Variants in XXYLT1 observed in about 807,000 individuals in gnomAD.
XXYLT1 encodes xyloside xylosyltransferase 1, also known as UDP-xylose:alpha-xyloside alpha-1,3-xylosyltransferase.
Under a neutral mutation model 28.9 loss-of-function variants are expected in XXYLT1, and 20 were observed. The observed-to-expected ratio is 0.69, with a 90% CI of 0.49 to 1.00. The LOEUF (loss-of-function observed/expected upper bound fraction) is 1.00. Ranked by LOEUF, XXYLT1 falls within the 50% of genes least tolerant of loss-of-function variation. The probability of loss-of-function intolerance (pLI) is 0.00; values close to 1 mark genes in which losing one functional copy is unlikely to be tolerated. For missense variants in XXYLT1, 542 were observed against 560.1 expected (o/e 0.97, Z 0.33); for synonymous variants, 257 against 253.8 (o/e 1.01, Z -0.12).
chr3:195,147,689 G>A (rs1189238236), intron 3 of XXYLT1, among the ~76,000 whole-genome samples: 1 of 152,180 alleles, frequency 6.6e-6, no homozygotes, highest in Non-Finnish European at 1.5e-5. Flanking sequence ...CTTAGCAGCT[G>A]GCCAGCACCG....
rs1018506876 is a variant in XXYLT1 at position 195,076,805 on chromosome 3, G to A, written c.786-6694C>T. Among the ~76,000 whole-genome samples, 1 of 152,096 alleles carries A rather than the reference G, an allele frequency of 6.6e-6. No individual in the cohort carries two copies. The highest frequency in any genetic ancestry group is 1.9e-4 in the East Asian group (1 of 5,188). On this transcript the variant is annotated intron_variant, in intron 3 of 3. Coordinates refer to ENST00000310380, the MANE Select transcript of XXYLT1 (RefSeq NM_152531.5). The surrounding 1 kb of genome is among the most constrained non-coding windows in gnomAD (Gnocchi z 5.3). ...CACATGGCGTTCTCCCTGCGTGCACGTGCCTCTGTGTCCACATTGCCCCTT... is the reference window on the plus strand; with the variant it reads ...CACATGGCGTTCTCCCTGCGTGCACATGCCTCTGTGTCCACATTGCCCCTT...
At chr3:195,177,198 C>A (rs1053763073) in intron 2 of XXYLT1, among the ~76,000 whole-genome samples, 6 of 152,232 alleles carry the variant, frequency 3.9e-5, no homozygotes, top group Non-Finnish European at 7.3e-5. Flanking sequence ...CGTAGTTCTA[C>A]TGCATATGCA....
At chr3:195,126,225 G>A (rs933566987) in intron 3 of XXYLT1, among the ~76,000 whole-genome samples, 2 of 152,206 alleles carry the variant, frequency 1.3e-5, no homozygotes, top group Admixed American at 6.5e-5. Flanking sequence ...GGATAAGGCC[G>A]TGAATGAAAG....
chr3:195,167,250 T>C (rs1192699287), intron 2 of XXYLT1, among the ~76,000 whole-genome samples: 2 of 152,236 alleles, frequency 1.3e-5, no homozygotes, highest in East Asian at 3.8e-4. Context: ...AACAAATGTT[T>C]ACCTGTTTGT....
chr3:195,088,172 T>C (rs1027938687), intron 3 of XXYLT1, among the ~76,000 whole-genome samples: 53 of 151,604 alleles, frequency 3.5e-4, no homozygotes, highest in Middle Eastern at 3.4e-3. Context: ...TCGAACTGGG[T>C]GGAGCCCACC....
rs770042831 is a variant in XXYLT1, at chr3:195,124,960, C to T, written c.785+31489G>A. 1.4e-4 allele frequency among the ~76,000 whole-genome samples: 22 copies of T among 152,134 alleles called. No homozygotes were observed. Among genetic ancestry groups the T allele is most frequent in the Admixed American group, 3.9e-4 (6 of 15,276 alleles). ...GAAGGACAGAGGGAAAAGAGCAGTACGAATAAATGGCATCTCAGCTTCTTT... is the reference window on the plus strand; with the variant it reads ...GAAGGACAGAGGGAAAAGAGCAGTATGAATAAATGGCATCTCAGCTTCTTT... On this transcript the variant is annotated intron_variant, in intron 3 of 3. Coordinates refer to ENST00000310380, the MANE Select transcript of XXYLT1 (RefSeq NM_152531.5). The surrounding 1 kb of genome is among the most constrained non-coding windows in gnomAD (Gnocchi z 4.1).
intron 3 of XXYLT1, among the ~76,000 whole-genome samples, chr3:195,126,174 A>G (rs4300953): frequency 0.36 from 55,251 of 151,996 alleles, 11,392 homozygotes; most frequent in East Asian, 0.82. Context: ...CCCCTAACAC[A>G]CAGGTGAGGT....
intron 1 of XXYLT1, among the ~76,000 whole-genome samples, chr3:195,229,687 G>A (rs925982130): frequency 3.9e-5 from 6 of 152,068 alleles, no homozygotes; most frequent in African/African-American, 9.7e-5. Flanking sequence ...AACGATCTCC[G>A]GTTCCATCAC....
rs917278174 is a variant in XXYLT1 at position 195,078,085 on chromosome 3, G to A, written c.786-7974C>T. Among the ~76,000 whole-genome samples, 10 of 152,138 alleles carry A rather than the reference G, an allele frequency of 6.6e-5. No homozygotes were observed. The highest frequency in any genetic ancestry group is 2.0e-4 in the Admixed American group (3 of 15,280). Reference sequence around the variant, plus strand: ...AAGCCTGGATCCCTACTCAGACGGCGGAGCCAGAAACAGCCATGGCGGAGC... The same window carrying A: ...AAGCCTGGATCCCTACTCAGACGGCAGAGCCAGAAACAGCCATGGCGGAGC... On this transcript the variant is annotated intron_variant, in intron 3 of 3. Transcript: ENST00000310380. This position sits in a 1 kb window ranked among gnomAD's most constrained non-coding sequence, Gnocchi z 5.0.
At position 195,138,874 on chromosome 3, in the gene XXYLT1, A is replaced by G. The variant is rs868819740; in HGVS notation, c.785+17575T>C. On this transcript the variant is annotated intron_variant, in intron 3 of 3. Coordinates refer to ENST00000310380, the MANE Select transcript of XXYLT1 (RefSeq NM_152531.5). Reference sequence around the variant, plus strand: ...TGCCTCAGGAAAAAAAAAAAAAAAAAAAAGAAAGAAAGAAAGAAAGAAAAA... The same window carrying G: ...TGCCTCAGGAAAAAAAAAAAAAAAAGAAAGAAAGAAAGAAAGAAAGAAAAA... Among the ~76,000 whole-genome samples the G allele has an allele frequency of 6.8e-3, 1,019 of 150,250 alleles. 4 individuals are homozygous for G. The highest frequency in any genetic ancestry group is 0.01 in the Middle Eastern group (3 of 294).
chr3:195,070,551 T>A (rs769704462), intron 3 of XXYLT1, among the ~76,000 whole-genome samples: 8 of 152,004 alleles, frequency 5.3e-5, no homozygotes, highest in Non-Finnish European at 1.0e-4. Flanking sequence ...GGCTCCAAAG[T>A]CCACATTCTT....
chr3:195,226,876 A>T lies in XXYLT1; in HGVS notation c.505-20T>A. 6.2e-7 allele frequency: 1 copy of T among 1,611,912 alleles called. No individual in the cohort carries two copies. Among genetic ancestry groups the T allele is most frequent in the South Asian group, 1.1e-5 (1 of 90,870 alleles). On this transcript the variant is annotated intron_variant, in intron 1 of 3. Transcript: ENST00000310380. ...GATGACCTGCAGCAGGTGCAAAAAA[A>T]ACCAAGGCTCAGCAAACCAGTTCTC... is the stretch of plus-strand genomic sequence containing the variant.
At chr3:195,136,500 G>T (rs986264990) in intron 3 of XXYLT1, among the ~76,000 whole-genome samples, 3 of 152,200 alleles carry the variant, frequency 2.0e-5, no homozygotes, top group African/African-American at 7.2e-5. Context: ...CTGAGCCCAG[G>T]AACCTGGGTT....
intron 2 of XXYLT1, chr3:195,214,847 C>T (rs1723493752): frequency 6.6e-6 from 1 of 152,158 alleles, no homozygotes; most frequent in Non-Finnish European, 1.5e-5. Flanking sequence ...TTAGCATGGC[C>T]CCTGCGCAAG....
intron 1 of XXYLT1, among the ~76,000 whole-genome samples, chr3:195,243,234 T>C (rs774698641): frequency 3.3e-5 from 5 of 151,758 alleles, no homozygotes; most frequent in African/African-American, 1.2e-4. Flanking sequence ...GGGGGAAGGA[T>C]AGCATTAGGA....
chr3:195,248,990 G>C (rs1725146378), intron 1 of XXYLT1, among the ~76,000 whole-genome samples: 1 of 152,162 alleles, frequency 6.6e-6, no homozygotes, highest in African/African-American at 2.4e-5. Flanking sequence ...GCGTGAAAAT[G>C]GACTAATACA....
intron 2 of XXYLT1, among the ~76,000 whole-genome samples, chr3:195,197,491 C>T (rs1722677109): frequency 6.7e-6 from 1 of 148,320 alleles, no homozygotes; most frequent in Non-Finnish European, 1.5e-5. Context: ...CTTCAAAGGA[C>T]AGACTGAGAA....
intron 3 of XXYLT1, among the ~76,000 whole-genome samples, chr3:195,112,876 CAT>C (rs67026592): frequency 0.47 from 71,130 of 150,900 alleles, 17,946 homozygotes; most frequent in Non-Finnish European, 0.55. Flanking sequence ...TGCATGCACA[CAT>C]GTGCGCACAT....
rs1266125312 is a variant in XXYLT1 at position 195,256,150 on chromosome 3, G to A, written c.504+14405C>T. Among the ~76,000 whole-genome samples, 1 of 152,206 alleles carries A rather than the reference G, an allele frequency of 6.6e-6. No homozygotes were observed. The highest frequency in any genetic ancestry group is 2.4e-5 in the African/African-American group (1 of 41,442). On this transcript the variant is annotated intron_variant, in intron 1 of 3. Transcript: ENST00000310380. This position sits in a 1 kb window ranked among gnomAD's most constrained non-coding sequence, Gnocchi z 4.2. Reference sequence around the variant, plus strand: ...CAAACCGCCAAAATCAACAGGCATCGGGCAGAGTGCTGAAGAATCAGCAAG... The same window carrying A: ...CAAACCGCCAAAATCAACAGGCATCAGGCAGAGTGCTGAAGAATCAGCAAG...
Sources: allele counts gnomAD v4.1 joint callset (sites outside exome capture counted in the v4.1 genomes callset), GRCh38; gene constraint gnomAD v4.1.1; non-coding constraint Gnocchi (gnomAD v3.1); transcripts MANE v1.5; gene names NCBI Gene and HGNC (gene_info 2026-07-23, HGNC 2026-07-21).